Variants in HECA observed in about 807,000 individuals in gnomAD.
HECA encodes the protein HECA ribonucleoprotein granule regulator, also known as headcase protein homolog.
HECA carries 13 observed loss-of-function variants against 37.6 expected under a neutral mutation model. That is an observed-to-expected ratio of 0.35 (90% confidence interval 0.23 to 0.55). The LOEUF is 0.55. Ranked by LOEUF, HECA falls within the 20% of genes least tolerant of loss-of-function variation. The pLI is 0.90. For synonymous variants in HECA, 307 were observed against 291.5 expected (o/e 1.05, Z -0.54); for missense variants, 527 against 701.9 (o/e 0.75, Z 2.82).
intron 2 of HECA, among the ~76,000 whole-genome samples, chr6:139,171,685 C>T (rs1196375794): frequency 2.6e-5 from 4 of 152,010 alleles, no homozygotes; most frequent in East Asian, 3.9e-4. Context: ...TGGAAAGCAG[C>T]GGAGTGATCA....
chr6:139,160,207 T>C (rs958105357), intron 1 of HECA, among the ~76,000 whole-genome samples: 1 of 152,200 alleles, frequency 6.6e-6, no homozygotes, highest in African/African-American at 2.4e-5. Context: ...TACTGACTAC[T>C]TGATGATGAA....
At chr6:139,157,254 T>C (rs1013035366) in intron 1 of HECA, among the ~76,000 whole-genome samples, 5 of 152,184 alleles carry the variant, frequency 3.3e-5, no homozygotes, top group African/African-American at 1.2e-4. Flanking sequence ...GTTTGGTCGG[T>C]TTTGACCGGC....
At chr6:139,173,702 G>T (rs945079525) in intron 2 of HECA, among the ~76,000 whole-genome samples, 2 of 152,152 alleles carry the variant, frequency 1.3e-5, no homozygotes, top group East Asian at 3.8e-4. Flanking sequence ...TATACACTAG[G>T]ATGACATCTT....
chr6:139,153,714 C>G (rs886235685), intron 1 of HECA, among the ~76,000 whole-genome samples: 12 of 151,944 alleles, frequency 7.9e-5, no homozygotes, highest in African/African-American at 2.9e-4. Flanking sequence ...CCACCGCACC[C>G]GGCCTAAAAA....
At chr6:139,160,444 CTGTTT>C (rs1205566070) in intron 1 of HECA, among the ~76,000 whole-genome samples, 1 of 152,134 alleles carries the variant, frequency 6.6e-6, no homozygotes, top group Non-Finnish European at 1.5e-5. Context: ...GACTGCTGTT[CTGTTT>C]TTAGTTTGGA....
intron 1 of HECA, among the ~76,000 whole-genome samples, chr6:139,143,043 G>T (rs751784810): frequency 4.6e-5 from 7 of 152,220 alleles, no homozygotes; most frequent in Non-Finnish European, 1.0e-4. Context: ...TCTGTATTAT[G>T]ATTCTAATCT....
rs182352808 is a variant in HECA, at chr6:139,180,429, A to G, written c.*3324A>G. 502 of 152,764 alleles carry G rather than the reference A, an allele frequency of 3.3e-3. 1 individual carries two copies. The highest frequency in any genetic ancestry group is 5.3e-3 in the Non-Finnish European group (361 of 68,048). The allele number at this position is 152,764 out of a possible 1,614,324, so 9.5% of individuals were successfully genotyped here. On this transcript the variant is annotated 3_prime_UTR_variant, in exon 4 of 4. Coordinates refer to ENST00000367658, the MANE Select transcript of HECA (RefSeq NM_016217.3). ...TTGCTTTTCTGTTTTGTGTCCTGGT[A>G]GCAGCTGTTGAGTAACTTTCATTGG...
intron 1 of HECA, among the ~76,000 whole-genome samples, chr6:139,142,700 C>A (rs1025502156): frequency 1.3e-5 from 2 of 152,160 alleles, no homozygotes; most frequent in African/African-American, 4.8e-5. Flanking sequence ...GTAATCCCAG[C>A]ACTTTTGGAG....
chr6:139,161,592 G>A (rs1056703783), intron 1 of HECA, among the ~76,000 whole-genome samples: 4 of 152,186 alleles, frequency 2.6e-5, no homozygotes, highest in African/African-American at 7.2e-5. Flanking sequence ...TGAAATATTT[G>A]CTGCTTTTTG....
chr6:139,140,857 C>G (rs992566864), intron 1 of HECA, among the ~76,000 whole-genome samples: 1 of 152,144 alleles, frequency 6.6e-6, no homozygotes, highest in Non-Finnish European at 1.5e-5. Context: ...GTGGCACTAT[C>G]TCGGCTCACT....
chr6:139,157,722 A>T (rs1316942110), intron 1 of HECA, among the ~76,000 whole-genome samples: 2 of 152,212 alleles, frequency 1.3e-5, no homozygotes. Flanking sequence ...AGAGGGCTGT[A>T]GAGAGTGGGA....
intron 3 of HECA, among the ~76,000 whole-genome samples, chr6:139,174,950 A>G (rs1235945135): frequency 6.6e-6 from 1 of 152,192 alleles, no homozygotes; most frequent in East Asian, 1.9e-4. Flanking sequence ...TAAATTTCTA[A>G]TAGAAAAAAT....
At chr6:139,143,938 C>T (rs976636570) in intron 1 of HECA, among the ~76,000 whole-genome samples, 4 of 151,568 alleles carry the variant, frequency 2.6e-5, no homozygotes, top group Non-Finnish European at 5.9e-5. Flanking sequence ...TGTGAAAGAG[C>T]AGGAGCATAT....
intron 1 of HECA, among the ~76,000 whole-genome samples, chr6:139,148,637 A>G (rs1311398892): frequency 2.0e-5 from 3 of 152,098 alleles, no homozygotes; most frequent in African/African-American, 7.2e-5. Context: ...ATGGTGGCGC[A>G]TGCCTCTTAT....
At chr6:139,154,633 T>G (rs1233408307) in intron 1 of HECA, among the ~76,000 whole-genome samples, 1 of 152,224 alleles carries the variant, frequency 6.6e-6, no homozygotes, top group Non-Finnish European at 1.5e-5. Flanking sequence ...GGTAAAGTCA[T>G]TAGTCTTTTC....
chr6:139,166,978 T>C lies in HECA; in HGVS notation c.966T>C (p.Phe322=), dbSNP rs1774897823. 2 of 1,614,218 alleles carry C rather than the reference T, an allele frequency of 1.2e-6. No homozygotes were observed. Among genetic ancestry groups the C allele is most frequent in the Non-Finnish European group, 1.7e-6 (2 of 1,180,032 alleles). Residue 322 remains phenylalanine, a synonymous_variant, in exon 2 of 4, where the codon TTT becomes TTC. Coordinates refer to ENST00000367658, the MANE Select transcript of HECA (RefSeq NM_016217.3). ...GCCATGTGTTCAGAAATGCCCACTT[T>C]GATTACAGCCCTGCGGGGTTGGCAG... ...AGGHVFRNAH[F]DYSPAGLAVH...
chr6:139,152,418 A>ATGTGTGTGTGTGTGTGTGTG (rs56410451), intron 1 of HECA, among the ~76,000 whole-genome samples: 11,412 of 147,262 alleles, frequency 0.077, 584 homozygotes, highest in Non-Finnish European at 0.11. Context: ...GAAGCATTGG[A>ATGTGTGTGTGTGTGTGTGTG]TGTGTGTGTG....
rs1775052635 is a variant in HECA, at chr6:139,176,385, C to T, written c.1468-556C>T. 6.6e-6 allele frequency among the ~76,000 whole-genome samples: 1 copy of T among 152,158 alleles called. No individual in the cohort carries two copies. The highest frequency in any genetic ancestry group is 1.5e-5 in the Non-Finnish European group (1 of 68,022). On this transcript the variant is annotated intron_variant, in intron 3 of 3. Transcript: ENST00000367658. The surrounding 1 kb of genome is among the most constrained non-coding windows in gnomAD (Gnocchi z 4.5). Reference sequence around the variant, plus strand: ...TTTATTTATAATTTGTGGTTATTCACTTAAGTCCTGGACCCATTGCTGAAA... The same window carrying T: ...TTTATTTATAATTTGTGGTTATTCATTTAAGTCCTGGACCCATTGCTGAAA...
Position 139,179,673 on chromosome 6 carries a change from A to G in HECA, c.*2568A>G, listed in dbSNP as rs1775106396. On this transcript the variant is annotated 3_prime_UTR_variant, in exon 4 of 4. Coordinates refer to ENST00000367658, the MANE Select transcript of HECA (RefSeq NM_016217.3). ...AAAATATAATCGAATATTCAACACC[A>G]TGAAGATAAATCTTATTTTGGAAAT... The G allele has an allele frequency of 6.6e-6, 1 of 152,202 alleles. No homozygotes were observed. Among genetic ancestry groups the G allele is most frequent in the African/African-American group, 2.4e-5 (1 of 41,450 alleles). 9.4% of individuals were successfully genotyped at this position (152,202 alleles called of 1,614,324 possible). A position where few individuals can be genotyped will look rare whatever the true frequency, so the allele number is the denominator to read the frequency against.
Sources: gnomAD v4.1 joint callset for allele counts (sites outside exome capture counted in the v4.1 genomes callset) on GRCh38, gnomAD v4.1.1 for gene constraint, Gnocchi (gnomAD v3.1) non-coding constraint, MANE v1.5 for transcripts, NCBI Gene and HGNC (gene_info 2026-07-23, HGNC 2026-07-21) for gene names.